Variants in RABGEF1 observed in about 807,000 individuals in gnomAD.
The protein encoded by RABGEF1 is RAB guanine nucleotide exchange factor 1, also known as rab5 GDP/GTP exchange factor.
In RABGEF1, 26 loss-of-function variants were observed where a neutral mutation model predicts 57.3. The observed-to-expected ratio is 0.45, with a 90% CI of 0.33 to 0.63. The LOEUF (loss-of-function observed/expected upper bound fraction) is 0.63. RABGEF1 is among the 20% of genes least tolerant of loss of function. The probability of loss-of-function intolerance (pLI) is 0.02; values close to 1 mark genes in which losing one functional copy is unlikely to be tolerated. For missense variants in RABGEF1, 464 were observed against 607.6 expected, an observed-to-expected ratio of 0.76 and a Z score of 2.48; for synonymous variants, 185 against 210.7, an observed-to-expected ratio of 0.88 and a Z score of 1.06.
chr7:66,747,893 G>A (rs999685015), intron 1 of RABGEF1, among the ~76,000 whole-genome samples: 5 of 152,068 alleles, frequency 3.3e-5, no homozygotes, highest in Non-Finnish European at 7.3e-5. Context: ...AGATACGTGC[G>A]ACATACTGTT....
At chr7:66,670,542 A>G in the RABGEF1 span, among the ~76,000 whole-genome samples, 1 of 146,870 alleles carries the variant, frequency 6.8e-6, no homozygotes, top group African/African-American at 2.5e-5. Flanking sequence ...AGTGATAGAT[A>G]TTTAAACAAT....
At chr7:66,733,340 G>A (rs751740897) in intron 2 of RABGEF1, among the ~76,000 whole-genome samples, 18 of 152,146 alleles carry the variant, frequency 1.2e-4, no homozygotes, top group Non-Finnish European at 2.5e-4. Flanking sequence ...ATGTGACACT[G>A]GTGTGACATT....
rs542879474 is a variant in RABGEF1 at position 66,697,473 on chromosome 7, A to G, written c.-872-14694A>G. ...CCCTTCACAGTGGCTCTGTCTGCCC[A>G]TCCCAGCCGCCAGCTCCCCTCCCTT... On this transcript the variant is annotated intron_variant and NMD_transcript_variant, in intron 1 of 9. Transcript: ENST00000607882. 1.9e-3 allele frequency among the ~76,000 whole-genome samples: 286 copies of G among 152,246 alleles called. 1 individual carries two copies. The highest frequency in any genetic ancestry group is 6.6e-3 in the African/African-American group (273 of 41,534).
At chr7:66,676,831 A>C in the RABGEF1 span, among the ~76,000 whole-genome samples, 1 of 152,032 alleles carries the variant, frequency 6.6e-6, no homozygotes, top group Non-Finnish European at 1.5e-5. Context: ...CCTAGCTCCC[A>C]CCTCCGCCTG....
chr7:66,670,751 T>C, the RABGEF1 span, among the ~76,000 whole-genome samples: 2 of 151,962 alleles, frequency 1.3e-5, no homozygotes, highest in African/African-American at 4.8e-5. Flanking sequence ...GAAGCTGAGA[T>C]AGGAGAATCG....
the RABGEF1 span, among the ~76,000 whole-genome samples, chr7:66,656,668 A>G: frequency 2.2e-3 from 335 of 152,092 alleles, 1 homozygote; most frequent in Non-Finnish European, 3.8e-3. Flanking sequence ...AAAAACAGAA[A>G]AATTAGCCGG....
Position 66,752,108 on chromosome 7 carries a change from A to G in RABGEF1, c.-18+11316A>G, listed in dbSNP as rs111576461. 2.5e-3 allele frequency among the ~76,000 whole-genome samples: 383 copies of G among 152,274 alleles called. 1 individual carries two copies. The highest frequency in any genetic ancestry group is 8.9e-3 in the African/African-American group (371 of 41,562). ...CAGCTACTCAGGAGGCTGAGGCTCA[A>G]GATTGCTTGAGGCCAGACGTTTGAG... On this transcript the variant is annotated intron_variant, in intron 1 of 8. Transcript: ENST00000284957.
At chr7:66,750,384 T>A (rs1006042411) in intron 1 of RABGEF1, among the ~76,000 whole-genome samples, 1 of 152,234 alleles carries the variant, frequency 6.6e-6, no homozygotes, top group Non-Finnish European at 1.5e-5. Context: ...TGAAATTCAG[T>A]ATTTAAGTTC....
At chr7:66,725,734 C>T (rs1240720136) in intron 2 of RABGEF1, among the ~76,000 whole-genome samples, 2 of 152,178 alleles carry the variant, frequency 1.3e-5, no homozygotes, top group Non-Finnish European at 2.9e-5. Context: ...ACAGAGAGGA[C>T]ATGGCCTTAC....
At chr7:66,687,314 T>A (rs1790819462) in intron 1 of RABGEF1, among the ~76,000 whole-genome samples, 2 of 150,900 alleles carry the variant, frequency 1.3e-5, no homozygotes, top group Admixed American at 6.6e-5. Flanking sequence ...TTAGTAGAGA[T>A]GGGGTTTTGC....
In RABGEF1 at chr7:66,747,187, A is replaced by C. The variant is rs372540951; in HGVS notation, c.-18+6395A>C. ...TACCATTATTATGATCAATTAATTAAATGTGGTTAAAAGTCAGAAGTTAGA... is the reference window on the plus strand; with the variant it reads ...TACCATTATTATGATCAATTAATTACATGTGGTTAAAAGTCAGAAGTTAGA... On this transcript the variant is annotated intron_variant, in intron 1 of 8. Coordinates refer to ENST00000284957, the MANE Select transcript of RABGEF1 (RefSeq NM_014504.3). 3.9e-5 allele frequency among the ~76,000 whole-genome samples: 6 copies of C among 152,334 alleles called. No individual in the cohort carries two copies. The South Asian group carries it at 1.0e-3, about 26-fold the overall frequency.
chr7:66,780,548 CAGAT>C (rs1335171505), intron 3 of RABGEF1, among the ~76,000 whole-genome samples: 1 of 152,140 alleles, frequency 6.6e-6, no homozygotes, highest in Non-Finnish European at 1.5e-5. Flanking sequence ...CTATCAGAGT[CAGAT>C]AGGTCAAGTT....
At chr7:66,712,673 T>G (rs999234484) in intron 2 of RABGEF1, among the ~76,000 whole-genome samples, 37 of 152,144 alleles carry the variant, frequency 2.4e-4, no homozygotes, top group African/African-American at 8.9e-4. Flanking sequence ...GGTTTCACCA[T>G]GTTACCCAGA....
chr7:66,657,820 C>T, the RABGEF1 span, among the ~76,000 whole-genome samples: 1 of 151,170 alleles, frequency 6.6e-6, no homozygotes, highest in Admixed American at 6.6e-5. Flanking sequence ...GACTCTATCT[C>T]AAAAAAAATC....
At chr7:66,752,076 T>A (rs1268629193) in intron 1 of RABGEF1, among the ~76,000 whole-genome samples, 1 of 152,016 alleles carries the variant, frequency 6.6e-6, no homozygotes, top group African/African-American at 2.4e-5. Flanking sequence ...GTGTTGTGGC[T>A]TGAACTCAGC....
At chr7:66,790,205 A>G (rs536984532) in intron 4 of RABGEF1, among the ~76,000 whole-genome samples, 2 of 152,370 alleles carry the variant, frequency 1.3e-5, no homozygotes, top group African/African-American at 4.8e-5. Context: ...ATTAAAGACA[A>G]TAACCCTCAC....
intron 2 of RABGEF1, among the ~76,000 whole-genome samples, chr7:66,727,839 G>C (rs1246165120): frequency 6.6e-6 from 1 of 152,178 alleles, no homozygotes; most frequent in Non-Finnish European, 1.5e-5. Context: ...AGAGGCATTT[G>C]TGAGCCAGAG....
chr7:66,786,505 G>A (rs1454570865), intron 4 of RABGEF1, among the ~76,000 whole-genome samples: 3 of 152,156 alleles, frequency 2.0e-5, no homozygotes, highest in African/African-American at 7.2e-5. Flanking sequence ...CCAGACTCAA[G>A]TGATCCTCCT....
At chr7:66,748,108 T>C (rs1800648586) in intron 1 of RABGEF1, among the ~76,000 whole-genome samples, 1 of 152,220 alleles carries the variant, frequency 6.6e-6, no homozygotes, top group Non-Finnish European at 1.5e-5. Context: ...AGAGATCATT[T>C]CTGCTTTGGA....
Sources: gnomAD v4.1 joint callset for allele counts (sites outside exome capture counted in the v4.1 genomes callset) on GRCh38, gnomAD v4.1.1 for gene constraint, MANE v1.5 for transcripts, NCBI Gene and HGNC (gene_info 2026-07-23, HGNC 2026-07-21) for gene names.